Variants in ACAD11 observed in about 807,000 individuals in gnomAD.
ACAD11 encodes acyl-CoA dehydrogenase family member 11, also known as acyl-Coenzyme A dehydrogenase family, member 11.
Under a neutral mutation model 102.2 loss-of-function variants are expected in ACAD11, and 83 were observed. The observed-to-expected ratio is 0.81, with a 90% CI of 0.68 to 0.97. ACAD11 has a LOEUF of 0.97. Among genes scored for constraint, ACAD11 ranks in the 50% least tolerant of loss-of-function variants. The probability of loss-of-function intolerance (pLI) is 0.00; values close to 1 mark genes in which losing one functional copy is unlikely to be tolerated. For synonymous variants in ACAD11, 324 were observed against 319.8 expected (o/e 1.01, Z -0.14); for missense variants, 901 against 951.7 (o/e 0.95, Z 0.70).
chr3:132,633,817 T>C (rs1238633885), intron 5 of ACAD11, among the ~76,000 whole-genome samples: 1 of 152,180 alleles, frequency 6.6e-6, no homozygotes, highest in African/African-American at 2.4e-5. Flanking sequence ...AAGGATTCCC[T>C]ATTTAATAAA....
At chr3:132,560,207 A>G (rs184257643) in intron 18 of ACAD11, among the ~76,000 whole-genome samples, 167 of 152,268 alleles carry the variant, frequency 1.1e-3, no homozygotes, top group African/African-American at 3.9e-3. Flanking sequence ...CAGCTGATAA[A>G]TCACACTCAT....
In ACAD11 at chr3:132,642,770, C is replaced by G; in HGVS notation, c.282G>C (p.Leu94Phe). The change falls in exon 3 of 20, where the codon TTG becomes TTC. Residue 94 changes from leucine to phenylalanine, a missense_variant. Physicochemically the swap from Leu to Phe is conservative, Grantham distance 22. Transcript: ENST00000264990. Reference sequence around the variant, plus strand: ...TGGGAACGGGGAATCCAATTGAAAACAAGGCTTTCTGGACTTTAAATTCTC... The same window carrying G: ...TGGGAACGGGGAATCCAATTGAAAAGAAGGCTTTCTGGACTTTAAATTCTC... ...IDREFKVQKA[L>F]FSIGFPVPKP... is the part of the protein sequence containing the mutation. 1 of 1,613,040 alleles carries G rather than the reference C, an allele frequency of 6.2e-7. No homozygotes were observed.
At chr3:132,652,998 A>G (rs1453360978) in intron 1 of ACAD11, among the ~76,000 whole-genome samples, 1 of 152,230 alleles carries the variant, frequency 6.6e-6, no homozygotes, top group Non-Finnish European at 1.5e-5. Flanking sequence ...TTACCAAAAA[A>G]AGAGGCATAG....
chr3:132,611,663 A>T (rs1265176437), intron 11 of ACAD11, among the ~76,000 whole-genome samples: 2 of 152,056 alleles, frequency 1.3e-5, no homozygotes. Context: ...AATCCAACTT[A>T]CAAGGGATGT....
intron 13 of ACAD11, among the ~76,000 whole-genome samples, chr3:132,587,129 C>T (rs537304667): frequency 2.0e-5 from 3 of 151,996 alleles, no homozygotes; most frequent in Admixed American, 6.6e-5. Context: ...AACTCTGGTA[C>T]GTGCACTGAC....
chr3:132,587,893 G>C (rs553334068), intron 13 of ACAD11, among the ~76,000 whole-genome samples: 13 of 152,294 alleles, frequency 8.5e-5, no homozygotes, highest in Admixed American at 2.6e-4. Flanking sequence ...GTTAGCCAGA[G>C]ACCCAAGCAA....
At position 132,573,558 on chromosome 3, in the gene ACAD11, T is replaced by C. The variant is rs1402187535; in HGVS notation, c.2001+2214A>G. Among the ~76,000 whole-genome samples the C allele has an allele frequency of 2.0e-5, 3 of 152,336 alleles. No individual in the cohort carries two copies. The East Asian group carries it at 5.8e-4, about 29-fold the overall frequency. ...AGGTTCATAGTATATTTCTTTTGGA[T>C]GGCACTGCCCTAGAGGTTGAAACAT... is the stretch of plus-strand genomic sequence containing the variant. On this transcript the variant is annotated intron_variant, in intron 17 of 19. Coordinates refer to ENST00000264990, the MANE Select transcript of ACAD11 (RefSeq NM_032169.5).
At chr3:132,631,113 G>A (rs551323339) in intron 6 of ACAD11, among the ~76,000 whole-genome samples, 35 of 151,708 alleles carry the variant, frequency 2.3e-4, no homozygotes, top group African/African-American at 6.0e-4. Flanking sequence ...TGTAAAAAAC[G>A]TGCACGTTGT....
intron 13 of ACAD11, among the ~76,000 whole-genome samples, chr3:132,596,518 T>C (rs1475873033): frequency 6.6e-6 from 1 of 151,964 alleles, no homozygotes; most frequent in Non-Finnish European, 1.5e-5. Flanking sequence ...CATGAAAAAA[T>C]AGATAACTGC....
intron 15 of ACAD11, 67 bp downstream of exon 15, chr3:132,578,729 T>G (rs918740326): frequency 6.5e-7 from 1 of 1,543,206 alleles, no homozygotes; most frequent in African/African-American, 1.4e-5. Context: ...TGCTATTGCC[T>G]TCAATGTTAC....
At position 132,643,811 on chromosome 3, in the gene ACAD11, G is replaced by A. The variant is rs1211762954; in HGVS notation, c.249+986C>T. The stretch of plus-strand genomic sequence containing the variant: ...GAGCTGGAGCATTGCTTTTTTCAAT[G>A]CAGAGTTGAGAAAACAGAAGGGAGT... On this transcript the variant is annotated intron_variant, in intron 2 of 19. Transcript: ENST00000264990. Among the ~76,000 whole-genome samples, 4 of 152,224 alleles carry A rather than the reference G, an allele frequency of 2.6e-5. No individual in the cohort carries two copies. In the South Asian group the frequency reaches 8.3e-4, roughly 32 times the overall value.
At chr3:132,618,814 A>G (rs1939507445) in intron 10 of ACAD11, 42 bp from the exon 11 acceptor site, 2 of 1,486,774 alleles carry the variant, frequency 1.3e-6, no homozygotes, top group South Asian at 2.9e-5. Flanking sequence ...ATAATTTACC[A>G]GGACTCACAG....
At chr3:132,578,321 T>G (rs1042525386) in intron 15 of ACAD11, among the ~76,000 whole-genome samples, 10 of 152,282 alleles carry the variant, frequency 6.6e-5, no homozygotes, top group Admixed American at 6.5e-4. Flanking sequence ...AAATGGATCT[T>G]TGCTTCTTAG....
intron 11 of ACAD11, among the ~76,000 whole-genome samples, chr3:132,610,898 A>C (rs1207946716): frequency 6.6e-6 from 1 of 152,198 alleles, no homozygotes; most frequent in Non-Finnish European, 1.5e-5. Flanking sequence ...CCTGATACCA[A>C]AGCCTGGCAG....
At chr3:132,645,955 T>C (rs1940699982) in intron 1 of ACAD11, 1 of 152,040 alleles carries the variant, frequency 6.6e-6, no homozygotes, top group Non-Finnish European at 1.5e-5. Context: ...TTATCTTTGA[T>C]GCTGCAAACC....
chr3:132,596,396 A>T (rs1437182987), intron 13 of ACAD11, among the ~76,000 whole-genome samples: 1 of 152,202 alleles, frequency 6.6e-6, no homozygotes, highest in Non-Finnish European at 1.5e-5. Context: ...CTGTGTAACA[A>T]ACTTGCATGT....
At chr3:132,566,045 T>TA (rs1206211095) in intron 17 of ACAD11, among the ~76,000 whole-genome samples, 11 of 152,218 alleles carry the variant, frequency 7.2e-5, no homozygotes, top group African/African-American at 2.6e-4. Flanking sequence ...GCAGCCATGA[T>TA]AAAAATGCTT....
chr3:132,603,303 G>T lies in ACAD11; in HGVS notation c.1547C>A (p.Ala516Asp). ...TTGGATGCTGCATTCAATATTCGTG[G>T]CATCACTTGAAGCTACATCAGGTTC... is the stretch of plus-strand genomic sequence containing the variant. Reference protein sequence around the residue: ...MTEPDVASSDATNIECSIQRD... With the variant: ...MTEPDVASSDDTNIECSIQRD... The change falls in exon 13 of 20, where the codon GCC becomes GAC. Residue 516 changes from alanine (A) to aspartate (D), a missense_variant. Coordinates refer to ENST00000264990, the MANE Select transcript of ACAD11 (RefSeq NM_032169.5). The T allele has an allele frequency of 6.2e-7, 1 of 1,613,744 alleles. No individual in the cohort carries two copies. The highest frequency in any genetic ancestry group is 1.1e-5 in the South Asian group (1 of 91,034).
chr3:132,632,818 G>A (rs1157291680), intron 5 of ACAD11, among the ~76,000 whole-genome samples: 1 of 152,072 alleles, frequency 6.6e-6, no homozygotes, highest in East Asian at 1.9e-4. Context: ...GGATTCCTAG[G>A]TATTTTATTC....
Sources: gnomAD v4.1 joint callset for allele counts (sites outside exome capture counted in the v4.1 genomes callset) on GRCh38, gnomAD v4.1.1 for gene constraint, MANE v1.5 for transcripts, NCBI Gene and HGNC (gene_info 2026-07-23, HGNC 2026-07-21) for gene names.